Variants in PHKA2 observed in about 807,000 individuals in gnomAD.
The protein encoded by PHKA2 is phosphorylase b kinase regulatory subunit alpha, liver isoform.
In PHKA2, 31 loss-of-function variants were observed where a neutral mutation model predicts 102.0. The ratio of observed to expected loss-of-function variants is 0.30; its 90% confidence interval spans 0.23 to 0.41. The LOEUF is 0.41. PHKA2 is among the 10% of genes least tolerant of loss of function. The pLI is 1.00. For synonymous variants in PHKA2, 455 were observed against 416.2 expected (o/e 1.09, Z -1.13); for missense variants, 858 against 1,023.1 (o/e 0.84, Z 2.20).
intron 10 of PHKA2, among the ~76,000 whole-genome samples, chrX:18,938,241 GC>G (rs1279138705): frequency 8.9e-6 from 1 of 112,905 alleles, no homozygotes; most frequent in African/African-American, 3.2e-5. Context: ...ATTGTGAGAA[GC>G]CCAAGCTAGC....
intron 1 of PHKA2, among the ~76,000 whole-genome samples, chrX:18,974,450 T>C (rs2049058300): frequency 8.9e-6 from 1 of 112,209 alleles, no homozygotes; most frequent in Admixed American, 9.5e-5. Context: ...CTTGTCTCAT[T>C]ATTAGCCTTT....
At chrX:18,893,821 A>T (rs1054525574) in intron 32 of PHKA2, among the ~76,000 whole-genome samples, 166 bp from the exon 33 acceptor site, 10 of 112,475 alleles carry the variant, frequency 8.9e-5, no homozygotes, top group Non-Finnish European at 1.7e-4. Flanking sequence ...GCACGAAGCC[A>T]GCGCTGCCAG....
chrX:18,922,296 A>G (rs2048136302), intron 17 of PHKA2, among the ~76,000 whole-genome samples: 1 of 112,394 alleles, frequency 8.9e-6, no homozygotes, highest in African/African-American at 3.2e-5. Context: ...GGCCTTTGGT[A>G]TTCTCTCTCA....
At chrX:18,959,755 G>T (rs981934607) in intron 1 of PHKA2, among the ~76,000 whole-genome samples, 18 of 111,233 alleles carry the variant, frequency 1.6e-4, no homozygotes, top group Non-Finnish European at 5.7e-5. Context: ...AGTCATGAAG[G>T]ACAGGAAATG....
intron 4 of PHKA2, among the ~76,000 whole-genome samples, 160 bp downstream of exon 4, chrX:18,950,944 A>C (rs1485232087): frequency 8.9e-6 from 1 of 112,604 alleles, no homozygotes; most frequent in Non-Finnish European, 1.9e-5. Context: ...GAACTGCGAG[A>C]AAAAGCATTT....
At chrX:18,960,036 TCTC>T (rs754801058) in intron 1 of PHKA2, among the ~76,000 whole-genome samples, 1 of 111,439 alleles carries the variant, frequency 9.0e-6, no homozygotes, top group African/African-American at 3.3e-5. Context: ...TCTCTTACCT[TCTC>T]CACCTCTTCT....
At chrX:18,978,214 G>A (rs1316276410) in intron 1 of PHKA2, among the ~76,000 whole-genome samples, 2 of 110,862 alleles carry the variant, frequency 1.8e-5, no homozygotes, top group African/African-American at 6.6e-5. Context: ...ATTTATACTC[G>A]TTGTGACAGG....
chrX:18,961,981 A>C (rs1007456762), intron 1 of PHKA2, among the ~76,000 whole-genome samples: 34 of 111,473 alleles, frequency 3.1e-4, no homozygotes, highest in Admixed American at 3.0e-3. Context: ...GTCAGGGTGC[A>C]GTGGTGGAAG....
At chrX:18,918,906 A>G in intron 18 of PHKA2, 52 bp from the exon 19 acceptor site, 1 of 1,059,414 alleles carries the variant, frequency 9.4e-7, no homozygotes, top group Non-Finnish European at 1.3e-6. Context: ...CTGTAGAAAT[A>G]TGACTACACA....
chrX:18,966,484 T>G (rs939747928), intron 1 of PHKA2, among the ~76,000 whole-genome samples: 1 of 112,072 alleles, frequency 8.9e-6, no homozygotes, highest in African/African-American at 3.2e-5. Flanking sequence ...AATCTCTCCC[T>G]TGTGTGAGTT....
At position 18,952,504 on chromosome X, in the gene PHKA2, A is replaced by G. The variant is rs1418053833; in HGVS notation, c.275T>C (p.Met92Thr). Residue 92 changes from methionine (M) to threonine (T), a missense_variant, in exon 3 of 33, where the codon ATG (methionine) becomes ACG (threonine). By Grantham distance (81) the Met-to-Thr change is moderately conservative. Transcript: ENST00000379942. ...GTGGGTTCTGCCTACCTGTCTCATC[A>G]TGCACTGGAGAAGACCTCGCATCAG... ...VKLMRGLLQC[M>T]MRQVAKVEKF... The G allele has an allele frequency of 1.9e-5, 23 of 1,208,772 alleles. No homozygotes were observed. The highest frequency in any genetic ancestry group is 2.6e-5 in the Non-Finnish European group (23 of 894,051).
At chrX:18,962,806 A>G (rs2048888091) in intron 1 of PHKA2, among the ~76,000 whole-genome samples, 1 of 112,227 alleles carries the variant, frequency 8.9e-6, no homozygotes, top group Non-Finnish European at 1.9e-5. Flanking sequence ...GAGCCTCACC[A>G]AACGCCAGCC....
chrX:18,952,555 G>C lies in PHKA2; in HGVS notation c.238-14C>G. 8.3e-7 allele frequency: 1 copy of C among 1,206,271 alleles called. No homozygotes were observed. The highest frequency in any genetic ancestry group is 1.1e-6 in the Non-Finnish European group (1 of 890,865). The stretch of plus-strand genomic sequence containing the variant: ...CTTCACCACGTTCTGTGGAGATAAA[G>C]CAGAATCAGCAACACGGCCCAGGGT... On this transcript the variant is annotated splice_polypyrimidine_tract_variant and intron_variant, in intron 2 of 32. Coordinates refer to ENST00000379942, the MANE Select transcript of PHKA2 (RefSeq NM_000292.3).
At chrX:18,967,721 C>A (rs2048964612) in intron 1 of PHKA2, among the ~76,000 whole-genome samples, 1 of 106,750 alleles carries the variant, frequency 9.4e-6, no homozygotes, top group Non-Finnish European at 1.9e-5. Context: ...AAAGAGAAAG[C>A]AATATAGCCC....
rs73636692 is a variant in PHKA2 at position 18,933,026 on chromosome X, A to C, written c.1138-1278T>G. Among the ~76,000 whole-genome samples the C allele has an allele frequency of 4.6e-3, 510 of 110,700 alleles. 2 individuals carry two copies. Among genetic ancestry groups the C allele is most frequent in the African/African-American group, 0.017 (502 of 30,366 alleles). On this transcript the variant is annotated intron_variant, in intron 11 of 32. Transcript: ENST00000379942. ...CTACTCAGGAGGCTGAGGCAGGAGAATCACGTGAACCTGAGAGGCAGAGGT... is the reference window on the plus strand; with the variant it reads ...CTACTCAGGAGGCTGAGGCAGGAGACTCACGTGAACCTGAGAGGCAGAGGT...
At chrX:18,907,137 A>G (rs2047835633) in intron 22 of PHKA2, 40 bp from the exon 23 acceptor site, 1 of 1,000,402 alleles carries the variant, frequency 1.0e-6, no homozygotes, top group Admixed American at 2.6e-5. Flanking sequence ...AGAGCGCGAG[A>G]GAGATACTGG....
At chrX:18,946,868 T>C (rs1427205802) in intron 5 of PHKA2, among the ~76,000 whole-genome samples, 4 of 62,394 alleles carry the variant, frequency 6.4e-5, no homozygotes, top group South Asian at 1.1e-3. Flanking sequence ...ATCTGAGTCA[T>C]TGGGGTGGGG....
chrX:18,897,601 G>A, intron 29 of PHKA2: 3 of 385,500 alleles, frequency 7.8e-6, no homozygotes, highest in Non-Finnish European at 1.4e-5. Flanking sequence ...ATAAGGAGGA[G>A]GCCGAACAGG....
chrX:18,919,748 G>GAA (rs2048083432), intron 18 of PHKA2, among the ~76,000 whole-genome samples: 1 of 90,899 alleles, frequency 1.1e-5, no homozygotes, highest in African/African-American at 4.2e-5. Flanking sequence ...AAAAAAAAAA[G>GAA]AGAGAGAGAG....
Sources: gnomAD v4.1 joint callset for allele counts (sites outside exome capture counted in the v4.1 genomes callset) on GRCh38, gnomAD v4.1.1 for gene constraint, MANE v1.5 for transcripts, NCBI Gene and HGNC (gene_info 2026-07-23, HGNC 2026-07-21) for gene names.